THTPA: variants seen among roughly 807,000 people sequenced by gnomAD.
THTPA encodes the protein thiamine triphosphatase, also known as thiamine-triphosphatase.
In THTPA, 16 loss-of-function variants were observed where a neutral mutation model predicts 16.5. The observed-to-expected ratio is 0.97, with a 90% confidence interval of 0.66 to 1.47. The LOEUF (loss-of-function observed/expected upper bound fraction) is 1.47. Ranked by LOEUF, THTPA falls within the 40% of genes most tolerant of loss-of-function variation. The pLI is 0.00. For synonymous variants in THTPA, 110 were observed against 115.5 expected, an observed-to-expected ratio of 0.95 and a Z score of 0.30; for missense variants, 281 against 280.9, an observed-to-expected ratio of 1.00 and a Z score of 0.00.
At chr14:23,532,756 G>A in the THTPA span, 1 of 1,536,244 alleles carries the variant, frequency 6.5e-7, no homozygotes, top group Admixed American at 2.0e-5. Flanking sequence ...CCCGCAGGTG[G>A]GCTGCCAGCT....
At chr14:23,527,581 G>C in the THTPA span, 1 of 1,536,204 alleles carries the variant, frequency 6.5e-7, no homozygotes, top group Non-Finnish European at 8.7e-7. Flanking sequence ...TTGTTGTACC[G>C]TCCTCACCCA....
the THTPA span, chr14:23,527,567 G>T: frequency 6.5e-7 from 1 of 1,535,558 alleles, no homozygotes; most frequent in Non-Finnish European, 8.7e-7. Flanking sequence ...GCCCTAATAA[G>T]GTCTTGTTGT....
At chr14:23,517,281 C>T in the THTPA span, among the ~76,000 whole-genome samples, 65 of 152,250 alleles carry the variant, frequency 4.3e-4, no homozygotes, top group African/African-American at 1.5e-3. Flanking sequence ...GAGGAATTAC[C>T]TTCATGATTA....
Position 23,560,088 on chromosome 14 carries a change from C to T in THTPA, c.*1248C>T. On this transcript the variant is annotated 3_prime_UTR_variant, in exon 2 of 2. Coordinates refer to ENST00000288014, the MANE Select transcript of THTPA (RefSeq NM_024328.6). ...AGTATGGCAGTAGGTAGGGCTCAGG[C>T]AGCCCCTCTATACTCAGTGGCTCCA... 2 of 1,430,430 alleles carry T rather than the reference C, an allele frequency of 1.4e-6. No individual in the cohort carries two copies. Among genetic ancestry groups the T allele is most frequent in the East Asian group, 2.3e-5 (1 of 42,736 alleles). The allele number at this position is 1,430,430 out of a possible 1,614,324, so 88.6% of individuals were successfully genotyped here.
chr14:23,523,532 C>T, the THTPA span: 4 of 1,536,648 alleles, frequency 2.6e-6, no homozygotes, highest in Non-Finnish European at 3.5e-6. This position sits in a 1 kb window ranked among gnomAD's most constrained non-coding sequence, Gnocchi z 4.1. Context: ...GAGGCCCTCA[C>T]TGCTGCCCCC....
At chr14:23,530,872 G>A in the THTPA span, 2 of 221,048 alleles carry the variant, frequency 9.0e-6, no homozygotes, top group South Asian at 1.3e-4. Flanking sequence ...AAAGCCCGAC[G>A]CCCATGCCCA....
the THTPA span, among the ~76,000 whole-genome samples, chr14:23,528,002 G>A: frequency 6.6e-6 from 1 of 151,068 alleles, no homozygotes; most frequent in African/African-American, 2.4e-5. Flanking sequence ...CGCCTTCCAG[G>A]TTCAAGCAAT....
At chr14:23,518,105 C>T in the THTPA span, among the ~76,000 whole-genome samples, 1 of 152,196 alleles carries the variant, frequency 6.6e-6, no homozygotes, top group South Asian at 2.1e-4. This position sits in a 1 kb window ranked among gnomAD's most constrained non-coding sequence, Gnocchi z 4.5. Context: ...TCCTTGCTGG[C>T]ACTGGTGTGT....
chr14:23,523,011 C>T, the THTPA span: 2 of 1,422,886 alleles, frequency 1.4e-6, no homozygotes, highest in East Asian at 2.5e-5. This position sits in a 1 kb window ranked among gnomAD's most constrained non-coding sequence, Gnocchi z 4.1. Flanking sequence ...CCATAGGCCA[C>T]CTCCAGCCAC....
chr14:23,535,303 G>A, the THTPA span: 11 of 1,469,004 alleles, frequency 7.5e-6, no homozygotes, highest in East Asian at 2.5e-5. This position sits in a 1 kb window ranked among gnomAD's most constrained non-coding sequence, Gnocchi z 4.5. Flanking sequence ...ACCAGTGGTA[G>A]AGGCTGAGTT....
the THTPA span, chr14:23,532,439 C>T: frequency 8.6e-7 from 1 of 1,159,280 alleles, no homozygotes; most frequent in Non-Finnish European, 1.1e-6. Context: ...ATGTCATTAC[C>T]TGGTGCATAC....
chr14:23,557,420 G>C, intron 1 of THTPA, 116 bp downstream of exon 1: 1 of 1,187,758 alleles, frequency 8.4e-7, no homozygotes. Context: ...TTTTTTAATA[G>C]AGACAAGGTT....
chr14:23,553,442 A>G (rs1382287861), upstream of THTPA, among the ~76,000 whole-genome samples: 1 of 151,848 alleles, frequency 6.6e-6, no homozygotes, highest in Non-Finnish European at 1.5e-5. Flanking sequence ...TCTACTAAAA[A>G]TACAAAATTA....
upstream of THTPA, chr14:23,551,680 C>A: frequency 6.4e-6 from 1 of 155,762 alleles, no homozygotes. This position sits in a 1 kb window ranked among gnomAD's most constrained non-coding sequence, Gnocchi z 5.3. Flanking sequence ...TCCTTCTCCT[C>A]CTCGCCCTCC....
the THTPA span, chr14:23,527,896 C>T: frequency 1.9e-6 from 2 of 1,074,886 alleles, no homozygotes; most frequent in Non-Finnish European, 2.6e-6. Flanking sequence ...GGCCCGCCCC[C>T]ACTCCTTTTT....
In THTPA at chr14:23,557,193, T is replaced by C. The variant is rs1882488929; in HGVS notation, c.436T>C (p.Leu146=). ...DEEEPQLRVD[L]DTADFGYAVG... is the part of the protein sequence containing the mutation. ...AGAGGAGCCACAGCTCAGGGTGGAC[T>C]TGGATACAGCCGACTTTGGCTACGC... is the stretch of plus-strand genomic sequence containing the variant. Residue 146 remains leucine (L), a synonymous_variant, in exon 1 of 2, where the codon TTG becomes CTG. Coordinates refer to ENST00000288014, the MANE Select transcript of THTPA (RefSeq NM_024328.6). 6.2e-7 allele frequency: 1 copy of C among 1,613,996 alleles called. No individual in the cohort carries two copies. Among genetic ancestry groups the C allele is most frequent in the African/African-American group, 1.3e-5 (1 of 74,912 alleles).
In THTPA at chr14:23,559,751, A is replaced by C; in HGVS notation, c.*911A>C. On this transcript the variant is annotated 3_prime_UTR_variant, in exon 2 of 2. Transcript: ENST00000288014. ...TTTCAGGCTGTGAGTGGAGACAGTT[A>C]CTGCCACGATTCCACAGGCAAGTTG... The C allele has an allele frequency of 6.2e-7, 1 of 1,613,990 alleles. No individual in the cohort carries two copies. The highest frequency in any genetic ancestry group is 8.5e-7 in the Non-Finnish European group (1 of 1,179,946).
Position 23,556,768 on chromosome 14 carries a change from G to T in THTPA, c.11G>T (p.Gly4Val). Reference protein sequence around the residue: MAQGLIEVERKFLP... With the variant: MAQVLIEVERKFLP... ...CCAATTGCAGGTAGCATGGCCCAGGGCTTGATTGAGGTGGAGCGAAAGTTC... is the reference window on the plus strand; with the variant it reads ...CCAATTGCAGGTAGCATGGCCCAGGTCTTGATTGAGGTGGAGCGAAAGTTC... Residue 4 changes from glycine to valine, a missense_variant, in exon 1 of 2, where the codon GGC becomes GTC. Coordinates refer to ENST00000288014, the MANE Select transcript of THTPA (RefSeq NM_024328.6). 6.2e-7 allele frequency: 1 copy of T among 1,613,280 alleles called. No homozygotes were observed. The highest frequency in any genetic ancestry group is 8.5e-7 in the Non-Finnish European group (1 of 1,179,630).
chr14:23,525,664 T>G, the THTPA span: 1 of 1,533,300 alleles, frequency 6.5e-7, no homozygotes, highest in African/African-American at 1.4e-5. This position sits in a 1 kb window ranked among gnomAD's most constrained non-coding sequence, Gnocchi z 5.9. Context: ...GGTCGGGGGG[T>G]GAGGAAGGCC....
Sources: allele counts gnomAD v4.1 joint callset (sites outside exome capture counted in the v4.1 genomes callset), GRCh38; gene constraint gnomAD v4.1.1; non-coding constraint Gnocchi (gnomAD v3.1); transcripts MANE v1.5; gene names NCBI Gene and HGNC (gene_info 2026-07-23, HGNC 2026-07-21).